Variants in NAALADL2 observed in about 807,000 individuals in gnomAD.
The protein encoded by NAALADL2 is N-acetylated alpha-linked acidic dipeptidase like 2.
Under a neutral mutation model 87.2 loss-of-function variants are expected in NAALADL2, and 76 were observed. The ratio of observed to expected loss-of-function variants is 0.87; its 90% CI spans 0.72 to 1.05. The LOEUF (loss-of-function observed/expected upper bound fraction) is 1.05. Among genes scored for constraint, NAALADL2 ranks in the 50% least tolerant of loss-of-function variants. The pLI, the probability that NAALADL2 is intolerant of heterozygous loss-of-function variation, is 0.00. For synonymous variants in NAALADL2, 354 were observed against 331.0 expected (o/e 1.07, Z -0.75); for missense variants, 1,089 against 945.8 (o/e 1.15, Z -1.99).
chr3:175,463,780 G>C lies in NAALADL2; in HGVS notation c.1327+287G>C, dbSNP rs75925832. ...GAGATGAAACAAGAAACAGAGTTTA[G>C]ATTTGGTAAACTGGCATGTTCTAAA... On this transcript the variant is annotated intron_variant, in intron 7 of 13. Transcript: ENST00000454872. 3.1e-3 allele frequency among the ~76,000 whole-genome samples: 471 copies of C among 150,520 alleles called. 4 individuals carry two copies. Among genetic ancestry groups the C allele is most frequent in the African/African-American group, 0.01 (424 of 40,614 alleles).
intron 13 of NAALADL2, among the ~76,000 whole-genome samples, chr3:175,766,110 T>G (rs1351657849): frequency 6.6e-6 from 1 of 152,150 alleles, no homozygotes; most frequent in East Asian, 1.9e-4. Flanking sequence ...CCTAACTTGA[T>G]AGTGACAAAA....
At chr3:175,736,407 A>C (rs560780102) in intron 11 of NAALADL2, among the ~76,000 whole-genome samples, 27 of 152,362 alleles carry the variant, frequency 1.8e-4, no homozygotes, top group African/African-American at 5.5e-4. Flanking sequence ...ATGAAGAAAA[A>C]TCGTATCTAA....
At chr3:174,958,343 A>T (rs1207837936) in intron 1 of NAALADL2, among the ~76,000 whole-genome samples, 1 of 151,932 alleles carries the variant, frequency 6.6e-6, no homozygotes, top group Non-Finnish European at 1.5e-5. Flanking sequence ...GTAAATGAAG[A>T]TATTGAAAGA....
At chr3:175,437,758 G>T (rs947193578) in intron 5 of NAALADL2, among the ~76,000 whole-genome samples, 13 of 151,986 alleles carry the variant, frequency 8.6e-5, no homozygotes. Context: ...CAGAGATATA[G>T]ATCAATGTGT....
chr3:174,983,898 G>T (rs1009762724), intron 1 of NAALADL2, among the ~76,000 whole-genome samples: 11 of 152,122 alleles, frequency 7.2e-5, no homozygotes, highest in African/African-American at 2.4e-4. Context: ...AAGGCCCAAA[G>T]ATGTCAAAAT....
At chr3:174,981,925 C>G (rs537876751) in intron 1 of NAALADL2, among the ~76,000 whole-genome samples, 1 of 152,178 alleles carries the variant, frequency 6.6e-6, no homozygotes, top group Non-Finnish European at 1.5e-5. Flanking sequence ...AGCGGCTCCT[C>G]CCTGCTTCCT....
chr3:175,581,961 A>G (rs1294511391), intron 10 of NAALADL2, among the ~76,000 whole-genome samples: 1 of 152,174 alleles, frequency 6.6e-6, no homozygotes, highest in Admixed American at 6.5e-5. Flanking sequence ...TATCCCATTC[A>G]CCTGACAAAC....
chr3:174,664,886 C>A (rs1032673579), intron 2 of NAALADL2, among the ~76,000 whole-genome samples: 6 of 152,184 alleles, frequency 3.9e-5, no homozygotes, highest in Non-Finnish European at 8.8e-5. Flanking sequence ...TCACTGGAAC[C>A]AACAAAGTCC....
At chr3:175,498,529 T>A (rs2149362015) in intron 9 of NAALADL2, among the ~76,000 whole-genome samples, 1 of 152,222 alleles carries the variant, frequency 6.6e-6, no homozygotes, top group Middle Eastern at 3.4e-3. Flanking sequence ...AAATAAACTA[T>A]CTTGGAGTTC....
intron 13 of NAALADL2, among the ~76,000 whole-genome samples, chr3:175,791,362 T>A (rs1426394579): frequency 6.6e-6 from 1 of 152,136 alleles, no homozygotes; most frequent in African/African-American, 2.4e-5. Context: ...GGCATATGTC[T>A]CCCCACAGAA....
intron 9 of NAALADL2, among the ~76,000 whole-genome samples, chr3:175,501,162 A>C (rs1729488338): frequency 6.6e-6 from 1 of 152,168 alleles, no homozygotes; most frequent in South Asian, 2.1e-4. Context: ...CTTGGGCATC[A>C]GTCAGGAGTC....
chr3:174,830,766 A>C (rs1034097924), intron 3 of NAALADL2, among the ~76,000 whole-genome samples: 1 of 152,004 alleles, frequency 6.6e-6, no homozygotes, highest in Admixed American at 6.6e-5. Context: ...ACTTGTTTGT[A>C]TCCTCTTTTA....
intron 3 of NAALADL2, among the ~76,000 whole-genome samples, chr3:174,796,122 G>A (rs1448267500): frequency 6.6e-6 from 1 of 152,130 alleles, no homozygotes; most frequent in Non-Finnish European, 1.5e-5. Flanking sequence ...AGATACGAGA[G>A]ATGCCTTGCA....
At position 175,558,317 on chromosome 3, in the gene NAALADL2, A is replaced by G. The variant is rs116801105; in HGVS notation, c.1654-17724A>G. On this transcript the variant is annotated intron_variant, in intron 9 of 13. Transcript: ENST00000454872. ...ATAGATTTGTTTGAGCTCTGTATAT[A>G]TTCTGGTTGTTAATCCCTTGTCAGA... Among the ~76,000 whole-genome samples, 1,207 of 151,430 alleles carry G rather than the reference A, an allele frequency of 8.0e-3. 11 individuals carry two copies. Among genetic ancestry groups the G allele is most frequent in the African/African-American group, 0.027 (1,122 of 41,278 alleles).
chr3:175,656,052 A>C (rs1731419490), intron 11 of NAALADL2, among the ~76,000 whole-genome samples: 2 of 152,188 alleles, frequency 1.3e-5, no homozygotes, highest in Non-Finnish European at 2.9e-5. Flanking sequence ...CCTTTGGCTA[A>C]CGTCTCAAAG....
intron 9 of NAALADL2, among the ~76,000 whole-genome samples, chr3:175,490,219 G>T (rs980296972): frequency 1.3e-5 from 2 of 152,026 alleles, no homozygotes; most frequent in African/African-American, 2.4e-5. Flanking sequence ...TGTGAAGATA[G>T]GTCAGAGAGA....
chr3:174,758,663 A>G (rs1013889831), intron 3 of NAALADL2, among the ~76,000 whole-genome samples: 5 of 152,196 alleles, frequency 3.3e-5, no homozygotes, highest in Non-Finnish European at 7.3e-5. Flanking sequence ...ACTGTGGGGT[A>G]GCAGAAGGAA....
intron 5 of NAALADL2, among the ~76,000 whole-genome samples, chr3:175,337,969 A>G (rs1042942037): frequency 6.6e-6 from 1 of 152,214 alleles, no homozygotes; most frequent in African/African-American, 2.4e-5. Context: ...AGAGTGGTGT[A>G]TGGAAACCCT....
At chr3:175,008,603 A>C (rs1749358023) in intron 1 of NAALADL2, among the ~76,000 whole-genome samples, 1 of 152,138 alleles carries the variant, frequency 6.6e-6, no homozygotes, top group Non-Finnish European at 1.5e-5. Context: ...GAATCACATA[A>C]GCTCCCAATT....
Sources: allele counts gnomAD v4.1 joint callset (sites outside exome capture counted in the v4.1 genomes callset), GRCh38; gene constraint gnomAD v4.1.1; transcripts MANE v1.5; gene names NCBI Gene and HGNC (gene_info 2026-07-23, HGNC 2026-07-21).